The following MYO1D variants were observed in gnomAD, a reference collection of about 807,000 sequenced individuals.
The protein encoded by MYO1D is unconventional myosin-Id.
A neutral mutation model predicts 122.0 loss-of-function variants in MYO1D; 83 were observed. The ratio of observed to expected loss-of-function variants is 0.68; its 90% confidence interval spans 0.57 to 0.82. The LOEUF is 0.82. MYO1D is among the 40% of genes least tolerant of loss of function. The pLI, the probability that MYO1D is intolerant of heterozygous loss-of-function variation, is 0.00. For missense variants in MYO1D, 1,157 were observed against 1,269.5 expected (o/e 0.91, Z 1.35); for synonymous variants, 464 against 446.9 (o/e 1.04, Z -0.48).
chr17:32,731,247 A>C (rs2089635849), intron 14 of MYO1D, among the ~76,000 whole-genome samples: 2 of 152,140 alleles, frequency 1.3e-5, no homozygotes, highest in Non-Finnish European at 2.9e-5. Flanking sequence ...TCTTAGTCTA[A>C]GTGGAATTCT....
chr17:32,840,772 G>C (rs1168302803), intron 1 of MYO1D, among the ~76,000 whole-genome samples: 2 of 152,168 alleles, frequency 1.3e-5, no homozygotes, highest in African/African-American at 4.8e-5. Context: ...AACTGTGGTT[G>C]GTCCAGCTTG....
chr17:32,760,641 A>G lies in MYO1D; in HGVS notation c.1036-14T>C. ...CTCATATATTGCCTGCAAGGAAAAT[A>G]GCATCATAAATGCTTGCCAATTTGG... On this transcript the variant is annotated splice_polypyrimidine_tract_variant and intron_variant, in intron 8 of 21. Transcript: ENST00000318217. 1 of 1,594,128 alleles carries G rather than the reference A, an allele frequency of 6.3e-7. No homozygotes were observed. Among genetic ancestry groups the G allele is most frequent in the Non-Finnish European group, 8.5e-7 (1 of 1,171,106 alleles).
At chr17:32,560,556 T>TATATATATATAC (rs1567890300) in intron 21 of MYO1D, among the ~76,000 whole-genome samples, 1 of 114,130 alleles carries the variant, frequency 8.8e-6, no homozygotes, top group Non-Finnish European at 1.9e-5. Context: ...TATATATATA[T>TATATATATATAC]ATATATATAT....
chr17:32,780,223 AC>A (rs1209883411), intron 2 of MYO1D, among the ~76,000 whole-genome samples: 1 of 151,874 alleles, frequency 6.6e-6, no homozygotes, highest in Non-Finnish European at 1.5e-5. Context: ...TCCTTTTCAC[AC>A]CTCAATATTT....
At chr17:32,547,842 T>C (rs892234578) in intron 21 of MYO1D, among the ~76,000 whole-genome samples, 3 of 151,488 alleles carry the variant, frequency 2.0e-5, no homozygotes, top group African/African-American at 7.3e-5. Flanking sequence ...CTCAGCTACA[T>C]GGGAAGCTGA....
At chr17:32,803,590 C>T (rs1296389048) in intron 1 of MYO1D, among the ~76,000 whole-genome samples, 2 of 152,190 alleles carry the variant, frequency 1.3e-5, no homozygotes, top group African/African-American at 4.8e-5. Context: ...GCACTATCAG[C>T]TGACAGGTGT....
At chr17:32,722,227 CT>C (rs1161498026) in intron 14 of MYO1D, among the ~76,000 whole-genome samples, 5 of 152,020 alleles carry the variant, frequency 3.3e-5, no homozygotes, top group African/African-American at 1.2e-4. Flanking sequence ...CATTTTTTGC[CT>C]TTTTCTAGGC....
chr17:32,583,296 C>G (rs1206063760), intron 21 of MYO1D, among the ~76,000 whole-genome samples: 4 of 152,136 alleles, frequency 2.6e-5, no homozygotes, highest in East Asian at 1.9e-4. Context: ...TCTCCTCTAG[C>G]AATGTTTATC....
At chr17:32,854,420 T>C (rs2091012203) in intron 1 of MYO1D, among the ~76,000 whole-genome samples, 1 of 152,228 alleles carries the variant, frequency 6.6e-6, no homozygotes, top group Admixed American at 6.5e-5. Context: ...CCACCTGAAA[T>C]AAACCTGAAT....
chr17:32,542,341 G>A (rs1910859667), intron 21 of MYO1D, among the ~76,000 whole-genome samples: 1 of 152,194 alleles, frequency 6.6e-6, no homozygotes, highest in South Asian at 2.1e-4. Context: ...CTGGCACACT[G>A]CTATTGTGCC....
rs778237177 is a variant in MYO1D at position 32,748,958 on chromosome 17, G to A, written c.1516C>T (p.Arg506Ter). The A allele has an allele frequency of 6.2e-6, 10 of 1,613,678 alleles. No individual in the cohort carries two copies. The highest frequency in any genetic ancestry group is 2.2e-5 in the East Asian group (1 of 44,866). Reference protein sequence around the residue: ...ILEFDRDFRIRHYAGDVVYSV... With the variant: ...ILEFDRDFRI ...CACACTACATCGCCTGCATAATGTC[G>A]AATTCGAAAATCTCGATCAAACTCC... The change falls in exon 12 of 22, where the codon CGA (arginine) becomes TGA (stop). Residue 506 changes from arginine to a stop codon, truncating the protein, a stop_gained. Transcript: ENST00000318217. LOFTEE classifies it high-confidence loss of function.
intron 16 of MYO1D, among the ~76,000 whole-genome samples, chr17:32,676,856 A>G (rs747944690): frequency 1.3e-4 from 19 of 151,186 alleles, no homozygotes; most frequent in South Asian, 4.2e-4. Context: ...TGTCGCCCAG[A>G]CTGGAGTGCA....
chr17:32,607,944 G>A (rs1341274147), intron 20 of MYO1D, among the ~76,000 whole-genome samples: 1 of 152,072 alleles, frequency 6.6e-6, no homozygotes, highest in Non-Finnish European at 1.5e-5. Context: ...CCATGCAAAC[G>A]GAAATAAAAG....
intron 1 of MYO1D, among the ~76,000 whole-genome samples, chr17:32,867,551 C>T (rs1028817212): frequency 2.0e-5 from 3 of 151,568 alleles, no homozygotes; most frequent in South Asian, 2.1e-4. Flanking sequence ...AATCCCAGCA[C>T]TTTGGGAGGA....
At chr17:32,773,548 C>G (rs1254913221) in intron 4 of MYO1D, among the ~76,000 whole-genome samples, 1 of 150,404 alleles carries the variant, frequency 6.6e-6, no homozygotes, top group African/African-American at 2.5e-5. Flanking sequence ...CCCCCGACCC[C>G]GGCCCATGTC....
chr17:32,677,686 A>T (rs2088841829), intron 16 of MYO1D, among the ~76,000 whole-genome samples: 2 of 151,292 alleles, frequency 1.3e-5, no homozygotes, highest in African/African-American at 4.9e-5. Context: ...AAAAGGGCAT[A>T]CGGTATAGTT....
intron 1 of MYO1D, among the ~76,000 whole-genome samples, chr17:32,870,932 T>C (rs976338442): frequency 1.3e-5 from 2 of 152,220 alleles, no homozygotes; most frequent in Admixed American, 6.5e-5. Context: ...GAGGATTCCA[T>C]AGGTTGGTGA....
intron 21 of MYO1D, among the ~76,000 whole-genome samples, chr17:32,588,701 G>A (rs566003368): frequency 1.6e-4 from 25 of 152,150 alleles, no homozygotes; most frequent in South Asian, 4.2e-4. Context: ...TGTAATCTCC[G>A]AACTTTGGGA....
chr17:32,540,968 G>A (rs1429722500), intron 21 of MYO1D, among the ~76,000 whole-genome samples: 2 of 151,454 alleles, frequency 1.3e-5, no homozygotes, highest in African/African-American at 4.9e-5. Context: ...GGCAAGGAAT[G>A]GAGAAATTAG....
Sources: gnomAD v4.1 joint callset for allele counts (sites outside exome capture counted in the v4.1 genomes callset) on GRCh38, gnomAD v4.1.1 for gene constraint, MANE v1.5 for transcripts, NCBI Gene and HGNC (gene_info 2026-07-23, HGNC 2026-07-21) for gene names.